Variants in CNTNAP2 observed in about 807,000 individuals in gnomAD.
CNTNAP2 encodes contactin-associated protein-like 2.
A neutral mutation model predicts 155.2 loss-of-function variants in CNTNAP2; 98 were observed. The ratio of observed to expected loss-of-function variants is 0.63; its 90% CI spans 0.54 to 0.75. CNTNAP2 has a LOEUF of 0.75. Among genes scored for constraint, CNTNAP2 ranks in the 30% least tolerant of loss-of-function variants. The pLI is 0.00. For synonymous variants in CNTNAP2, 651 were observed against 631.2 expected, an observed-to-expected ratio of 1.03 and a Z score of -0.47; for missense variants, 1,727 against 1,688.1, an observed-to-expected ratio of 1.02 and a Z score of -0.40.
chr7:148,210,330 T>C (rs988356374), intron 18 of CNTNAP2, among the ~76,000 whole-genome samples: 6 of 152,158 alleles, frequency 3.9e-5, no homozygotes, highest in Admixed American at 3.9e-4. Context: ...TCATTTGCTG[T>C]CCCCAAAACA....
At position 147,580,481 on chromosome 7, in the gene CNTNAP2, A is replaced by G. The variant is rs1473150957; in HGVS notation, c.1897+18224A>G. Among the ~76,000 whole-genome samples, 11 of 152,182 alleles carry G rather than the reference A, an allele frequency of 7.2e-5. No individual in the cohort carries two copies. The South Asian group carries it at 2.3e-3, about 32-fold the overall frequency. ...TGACAGTCCATACTTAAATGCTGAA[A>G]TTTTTTTTAATTGGGTTCAGCATCT... On this transcript the variant is annotated intron_variant, in intron 12 of 23. Coordinates refer to ENST00000361727, the MANE Select transcript of CNTNAP2 (RefSeq NM_014141.6).
chr7:146,432,043 C>A (rs1369857740), intron 1 of CNTNAP2, among the ~76,000 whole-genome samples: 1 of 151,950 alleles, frequency 6.6e-6, no homozygotes, highest in Non-Finnish European at 1.5e-5. Context: ...TCATTAAGAA[C>A]AAGAAATCCT....
intron 3 of CNTNAP2, among the ~76,000 whole-genome samples, chr7:146,989,315 C>T (rs1460139023): frequency 6.6e-6 from 1 of 152,092 alleles, no homozygotes; most frequent in Non-Finnish European, 1.5e-5. Context: ...GATGTCCCTT[C>T]AGTACTGGCC....
At chr7:148,208,735 T>G (rs1795495660) in intron 18 of CNTNAP2, among the ~76,000 whole-genome samples, 1 of 152,116 alleles carries the variant, frequency 6.6e-6, no homozygotes, top group South Asian at 2.1e-4. Flanking sequence ...TGAGAAGGTT[T>G]CTAGAATTTC....
At chr7:147,887,629 G>A (rs1383398970) in intron 13 of CNTNAP2, among the ~76,000 whole-genome samples, 2 of 152,150 alleles carry the variant, frequency 1.3e-5, no homozygotes, top group African/African-American at 4.8e-5. Context: ...AAAGGCTTCT[G>A]TCAGTTCCAT....
At chr7:147,093,805 C>A (rs545180531) in intron 4 of CNTNAP2, among the ~76,000 whole-genome samples, 1 of 152,136 alleles carries the variant, frequency 6.6e-6, no homozygotes, top group African/African-American at 2.4e-5. Context: ...GCAAACTGCT[C>A]TCCTGCTGTG....
chr7:146,170,175 C>T (rs1167241520), intron 1 of CNTNAP2, among the ~76,000 whole-genome samples: 1 of 151,922 alleles, frequency 6.6e-6, no homozygotes, highest in Non-Finnish European at 1.5e-5. Flanking sequence ...TACAGGTGTG[C>T]ACCACCACAC....
intron 20 of CNTNAP2, among the ~76,000 whole-genome samples, chr7:148,247,060 A>G (rs2116808445): frequency 6.6e-6 from 1 of 152,314 alleles, no homozygotes; most frequent in African/African-American, 2.4e-5. Context: ...ATAAGAAAAC[A>G]AAAATGATTG....
intron 4 of CNTNAP2, among the ~76,000 whole-genome samples, chr7:147,099,549 A>G (rs1277403303): frequency 6.6e-6 from 1 of 152,172 alleles, no homozygotes; most frequent in Non-Finnish European, 1.5e-5. Context: ...TATATAAATT[A>G]CTATGAAAAG....
intron 8 of CNTNAP2, among the ~76,000 whole-genome samples, chr7:147,242,157 T>G (rs1042523175): frequency 6.6e-6 from 1 of 152,258 alleles, no homozygotes; most frequent in Non-Finnish European, 1.5e-5. Context: ...TTCAGTGTCC[T>G]GATTCTTTTA....
chr7:146,570,966 T>C (rs1164610106), intron 1 of CNTNAP2, among the ~76,000 whole-genome samples: 2 of 152,122 alleles, frequency 1.3e-5, no homozygotes, highest in African/African-American at 2.4e-5. Context: ...ATACTTAGGT[T>C]CCACTTACCT....
chr7:146,977,888 C>A (rs748862701), intron 3 of CNTNAP2, among the ~76,000 whole-genome samples: 6 of 152,024 alleles, frequency 3.9e-5, no homozygotes, highest in African/African-American at 1.4e-4. Flanking sequence ...AAATAAAACT[C>A]CACTATAATA....
chr7:147,209,408 A>G (rs1803091115), intron 8 of CNTNAP2, among the ~76,000 whole-genome samples: 1 of 151,940 alleles, frequency 6.6e-6, no homozygotes, highest in African/African-American at 2.4e-5. Context: ...CACTTTTGCT[A>G]TATAGAAATG....
chr7:147,373,959 G>GA (rs986564568), intron 9 of CNTNAP2, among the ~76,000 whole-genome samples: 5 of 150,022 alleles, frequency 3.3e-5, no homozygotes, highest in African/African-American at 9.8e-5. Context: ...AATTTATCAG[G>GA]AAAAAAAAAG....
chr7:148,124,921 G>C (rs1322089437), intron 16 of CNTNAP2, among the ~76,000 whole-genome samples: 1 of 152,114 alleles, frequency 6.6e-6, no homozygotes, highest in African/African-American at 2.4e-5. Context: ...AAAGTTAAAG[G>C]AATGGGGAAA....
intron 13 of CNTNAP2, among the ~76,000 whole-genome samples, chr7:147,850,449 G>T (rs566241198): frequency 4.1e-4 from 63 of 152,242 alleles, no homozygotes; most frequent in Middle Eastern, 3.4e-3. Flanking sequence ...AAAAGAGCCC[G>T]CATTGCCAAG....
At chr7:146,811,018 C>A (rs1322286822) in intron 2 of CNTNAP2, among the ~76,000 whole-genome samples, 2 of 152,036 alleles carry the variant, frequency 1.3e-5, no homozygotes, top group Non-Finnish European at 2.9e-5. Context: ...TTTAAATGAA[C>A]TGTTTAGTTC....
chr7:148,094,241 T>C (rs1803912946), intron 15 of CNTNAP2, among the ~76,000 whole-genome samples: 1 of 151,194 alleles, frequency 6.6e-6, no homozygotes, highest in Admixed American at 6.6e-5. Flanking sequence ...ACAGCATCTA[T>C]TTTTTAATGT....
chr7:147,548,110 G>T (rs1257355402), intron 11 of CNTNAP2, among the ~76,000 whole-genome samples: 1 of 152,136 alleles, frequency 6.6e-6, no homozygotes, highest in Non-Finnish European at 1.5e-5. Flanking sequence ...TAATACTTTG[G>T]GTATGTACCC....
Sources: gnomAD v4.1 joint callset for allele counts (sites outside exome capture counted in the v4.1 genomes callset) on GRCh38, gnomAD v4.1.1 for gene constraint, MANE v1.5 for transcripts, NCBI Gene and HGNC (gene_info 2026-07-23, HGNC 2026-07-21) for gene names.